The following CSRNP3 variants were observed in gnomAD, a reference collection of about 807,000 sequenced individuals.
The protein encoded by CSRNP3 is cysteine and serine rich nuclear protein 3.
In CSRNP3, 12 loss-of-function variants were observed where a neutral mutation model predicts 48.0. The ratio of observed to expected loss-of-function variants is 0.25; its 90% CI spans 0.16 to 0.41. The LOEUF (loss-of-function observed/expected upper bound fraction) is 0.41, where lower values mean the gene tolerates loss of function less well. Among genes scored for constraint, CSRNP3 ranks in the 10% least tolerant of loss-of-function variants. The pLI is 1.00. For synonymous variants in CSRNP3, 263 were observed against 269.7 expected, an observed-to-expected ratio of 0.98 and a Z score of 0.24; for missense variants, 580 against 724.4, an observed-to-expected ratio of 0.80 and a Z score of 2.29.
In CSRNP3 at chr2:165,590,332, G is replaced by A. The variant is rs189260344; in HGVS notation, c.-23-4711G>A. 3.6e-4 allele frequency among the ~76,000 whole-genome samples: 55 copies of A among 152,262 alleles called. 2 individuals are homozygous for A. Among genetic ancestry groups the A allele is most frequent in the Admixed American group, 2.9e-3 (45 of 15,282 alleles). ...AAGCAATTGAGTAGAACATGAATTT[G>A]GGAGTATTCTTAATTTGATGGAGCC... is the stretch of plus-strand genomic sequence containing the variant. On this transcript the variant is annotated intron_variant, in intron 3 of 6. Transcript: ENST00000651982.
intron 3 of CSRNP3, among the ~76,000 whole-genome samples, chr2:165,545,451 A>G (rs562341216): frequency 3.6e-4 from 55 of 152,318 alleles, no homozygotes; most frequent in African/African-American, 1.1e-3. Context: ...TTAGGATTGG[A>G]TTTGGCACAG....
At chr2:165,589,706 G>T (rs1327745846) in intron 3 of CSRNP3, among the ~76,000 whole-genome samples, 5 of 152,064 alleles carry the variant, frequency 3.3e-5, no homozygotes, top group African/African-American at 1.2e-4. Context: ...GAAAAAAGAG[G>T]CTTTTTAATT....
At position 165,686,480 on chromosome 2, in the gene CSRNP3, C is replaced by T. The variant is rs1050012041; in HGVS notation, c.*6727C>T. On this transcript the variant is annotated 3_prime_UTR_variant, in exon 7 of 7. Transcript: ENST00000651982. The stretch of plus-strand genomic sequence containing the variant: ...TAAAACAAATTTAAAGATCTATATA[C>T]ATTTTTGCAACTTTATTTAATAAAA... The T allele has an allele frequency of 6.6e-6, 1 of 151,328 alleles. No homozygotes were observed. The highest frequency in any genetic ancestry group is 1.9e-4 in the East Asian group (1 of 5,154). The allele number at this position is 151,328 out of a possible 1,614,324, so 9.4% of individuals were successfully genotyped here.
chr2:165,610,497 C>T (rs932857084), intron 4 of CSRNP3, among the ~76,000 whole-genome samples: 4 of 152,196 alleles, frequency 2.6e-5, no homozygotes, highest in Admixed American at 1.3e-4. Context: ...GCATCTTTCT[C>T]TTCTGATGCC....
Position 165,682,720 on chromosome 2 carries a change from A to G in CSRNP3, c.*2967A>G, listed in dbSNP as rs1458449659. On this transcript the variant is annotated 3_prime_UTR_variant, in exon 7 of 7. Transcript: ENST00000651982. ...ACTGTTCCAGCTGACTTTTTTTTCC[A>G]TTAATAGCCGTTCTATTCAACAAAG... is the stretch of plus-strand genomic sequence containing the variant. The G allele has an allele frequency of 6.6e-6, 1 of 151,984 alleles. No individual in the cohort carries two copies. Among genetic ancestry groups the G allele is most frequent in the African/African-American group, 2.4e-5 (1 of 41,408 alleles). 9.4% of individuals were successfully genotyped at this position (151,984 alleles called of 1,614,324 possible).
At chr2:165,499,513 CCTT>C (rs950697843) in intron 2 of CSRNP3, among the ~76,000 whole-genome samples, 2 of 152,176 alleles carry the variant, frequency 1.3e-5, no homozygotes, top group African/African-American at 4.8e-5. Context: ...AAAAAGAAAT[CCTT>C]CTTTTTTGTT....
chr2:165,471,710 A>G (rs1683896483), intron 1 of CSRNP3, among the ~76,000 whole-genome samples: 1 of 152,068 alleles, frequency 6.6e-6, no homozygotes, highest in Non-Finnish European at 1.5e-5. Context: ...TGAAAAGTAG[A>G]TAAACCCTTT....
At chr2:165,554,813 C>T (rs1463670117) in intron 3 of CSRNP3, among the ~76,000 whole-genome samples, 1 of 152,152 alleles carries the variant, frequency 6.6e-6, no homozygotes, top group Non-Finnish European at 1.5e-5. Flanking sequence ...GCTCAGGACT[C>T]TCCACTGACT....
intron 2 of CSRNP3, among the ~76,000 whole-genome samples, chr2:165,507,259 T>C (rs1462396609): frequency 6.6e-6 from 1 of 152,056 alleles, no homozygotes; most frequent in East Asian, 1.9e-4. Context: ...AAAATCAGAG[T>C]TCATATGCCC....
chr2:165,671,710 T>C (rs1687334147), intron 5 of CSRNP3, among the ~76,000 whole-genome samples: 1 of 152,236 alleles, frequency 6.6e-6, no homozygotes, highest in Non-Finnish European at 1.5e-5. Flanking sequence ...AGCTCTTTGT[T>C]ACTTATGCAA....
chr2:165,499,459 A>G (rs1193733417), intron 2 of CSRNP3, among the ~76,000 whole-genome samples: 2 of 152,312 alleles, frequency 1.3e-5, no homozygotes, highest in African/African-American at 2.4e-5. Context: ...ATAGGCTGCA[A>G]TAATATTTAA....
chr2:165,595,860 G>C (rs906883523), intron 4 of CSRNP3, among the ~76,000 whole-genome samples: 1 of 152,132 alleles, frequency 6.6e-6, no homozygotes, highest in Non-Finnish European at 1.5e-5. Flanking sequence ...GCAGTGGCAT[G>C]AACTTGGCTC....
At chr2:165,587,265 GT>G (rs1293126495) in intron 3 of CSRNP3, among the ~76,000 whole-genome samples, 1 of 152,220 alleles carries the variant, frequency 6.6e-6, no homozygotes, top group Non-Finnish European at 1.5e-5. Flanking sequence ...AGACAGGGAA[GT>G]GTGGGTGCAG....
intron 3 of CSRNP3, among the ~76,000 whole-genome samples, chr2:165,571,043 C>A (rs1408274642): frequency 6.6e-6 from 1 of 151,742 alleles, no homozygotes; most frequent in African/African-American, 2.4e-5. Flanking sequence ...AATTGACACA[C>A]AAAAAATTTT....
intron 1 of CSRNP3, among the ~76,000 whole-genome samples, chr2:165,474,942 A>G (rs967210085): frequency 1.6e-4 from 25 of 152,172 alleles, no homozygotes; most frequent in Admixed American, 3.9e-4. Context: ...GTATTTTAGC[A>G]AGTGTGGATA....
At chr2:165,505,950 C>A (rs1320918580) in intron 2 of CSRNP3, among the ~76,000 whole-genome samples, 1 of 152,170 alleles carries the variant, frequency 6.6e-6, no homozygotes, top group Non-Finnish European at 1.5e-5. Context: ...CCTATACTAT[C>A]TATCTTAGAT....
At chr2:165,491,950 T>TAAAAAAA (rs560385044) in intron 1 of CSRNP3, among the ~76,000 whole-genome samples, 6 of 104,592 alleles carry the variant, frequency 5.7e-5, no homozygotes, top group Admixed American at 1.9e-4. Context: ...TAAAGTATAA[T>TAAAAAAA]AAAAAAAAAA....
At chr2:165,590,031 T>C (rs1685691435) in intron 3 of CSRNP3, among the ~76,000 whole-genome samples, 1 of 152,226 alleles carries the variant, frequency 6.6e-6, no homozygotes, top group African/African-American at 2.4e-5. Context: ...TTGTTTGAAG[T>C]GAACCATTTT....
chr2:165,509,585 A>T (rs911125499), intron 2 of CSRNP3, among the ~76,000 whole-genome samples: 1 of 152,176 alleles, frequency 6.6e-6, no homozygotes, highest in Non-Finnish European at 1.5e-5. Context: ...TGAATTATTT[A>T]TAGGCTTTTT....
Sources: gnomAD v4.1 joint callset for allele counts (sites outside exome capture counted in the v4.1 genomes callset) on GRCh38, gnomAD v4.1.1 for gene constraint, MANE v1.5 for transcripts, NCBI Gene and HGNC (gene_info 2026-07-23, HGNC 2026-07-21) for gene names.